The following PDZD8 variants were observed in gnomAD, a reference collection of about 807,000 sequenced individuals.
PDZD8 encodes the protein PDZ domain containing 8, also known as PDZ domain-containing protein 8.
A neutral mutation model predicts 85.8 loss-of-function variants in PDZD8; 14 were observed. The ratio of observed to expected loss-of-function variants is 0.16; its 90% CI spans 0.11 to 0.26. The LOEUF (loss-of-function observed/expected upper bound fraction) is 0.26, where lower values mean the gene tolerates loss of function less well. PDZD8 is among the 10% of genes least tolerant of loss of function. The pLI is 1.00. For synonymous variants in PDZD8, 592 were observed against 568.6 expected, an observed-to-expected ratio of 1.04 and a Z score of -0.59; for missense variants, 1,197 against 1,424.3, an observed-to-expected ratio of 0.84 and a Z score of 2.57.
Position 117,374,579 on chromosome 10 carries a change from A to G in PDZD8, c.649T>C (p.Tyr217His). 2 of 1,595,950 alleles carry G rather than the reference A, an allele frequency of 1.3e-6. No homozygotes were observed. The highest frequency in any genetic ancestry group is 1.7e-6 in the Non-Finnish European group (2 of 1,170,862). The change falls in exon 1 of 5, where the codon TAC becomes CAC. Residue 217 changes from tyrosine (Y) to histidine (H), a missense_variant. Transcript: ENST00000334464. The surrounding 1 kb of genome is among the most constrained non-coding windows in gnomAD (Gnocchi z 7.8). Reference sequence around the variant, plus strand: ...ACGCGGGACAGCTTGACAAACAAGTAGGCGGACTTGCCGAAGACCAGGTCC... The same window carrying G: ...ACGCGGGACAGCTTGACAAACAAGTGGGCGGACTTGCCGAAGACCAGGTCC... Reference protein sequence around the residue: ...DVDLVFGKSAYLFVKLSRVVG... With the variant: ...DVDLVFGKSAHLFVKLSRVVG...
intron 1 of PDZD8, among the ~76,000 whole-genome samples, chr10:117,357,362 T>A (rs937237790): frequency 3.9e-5 from 6 of 152,102 alleles, no homozygotes; most frequent in African/African-American, 1.4e-4. Flanking sequence ...ACCACTGCAC[T>A]CCAGCCTGGG....
Position 117,374,215 on chromosome 10 carries a change from T to A in PDZD8, c.872+141A>T. 1 of 1,324,700 alleles carries A rather than the reference T, an allele frequency of 7.5e-7. No homozygotes were observed. The highest frequency in any genetic ancestry group is 1.0e-6 in the Non-Finnish European group (1 of 983,126). 82.1% of individuals were successfully genotyped at this position (1,324,700 alleles called of 1,614,324 possible). A position where few individuals can be genotyped will look rare whatever the true frequency, so the allele number is the denominator to read the frequency against. ...AGCAAGTGTTCACGACTCGCCTTGA[T>A]CTGGGGCCCTGTCCAGGGTGGGAAG... On this transcript the variant is annotated intron_variant, in intron 1 of 4. Transcript: ENST00000334464. This position sits in a 1 kb window ranked among gnomAD's most constrained non-coding sequence, Gnocchi z 7.8.
At chr10:117,290,037 A>G (rs936052932) in intron 4 of PDZD8, 149 bp downstream of exon 4, 39 of 629,136 alleles carry the variant, frequency 6.2e-5, no homozygotes, top group Middle Eastern at 9.4e-4. Context: ...TTGAATTTTT[A>G]TTTATAATAA....
At chr10:117,352,895 G>A (rs1036207114) in intron 1 of PDZD8, among the ~76,000 whole-genome samples, 1 of 152,056 alleles carries the variant, frequency 6.6e-6, no homozygotes, top group Non-Finnish European at 1.5e-5. Context: ...AAGGAGTGGG[G>A]TGGCCAGCTA....
At chr10:117,290,970 A>G (rs1295172194) in intron 3 of PDZD8, among the ~76,000 whole-genome samples, 1 of 150,630 alleles carries the variant, frequency 6.6e-6, no homozygotes, top group Non-Finnish European at 1.5e-5. Flanking sequence ...CCCAGGCGCA[A>G]GTGATTCTCT....
intron 2 of PDZD8, among the ~76,000 whole-genome samples, chr10:117,330,024 G>GGAT (rs1844392941): frequency 2.3e-5 from 1 of 42,628 alleles, no homozygotes; most frequent in Non-Finnish European, 4.5e-5. Context: ...GAGGGAGGGA[G>GGAT]GGAAGGAGGG....
At position 117,366,224 on chromosome 10, in the gene PDZD8, C is replaced by G. The variant is rs574162062; in HGVS notation, c.872+8132G>C. Among the ~76,000 whole-genome samples, 147 of 152,186 alleles carry G rather than the reference C, an allele frequency of 9.7e-4. 1 individual carries two copies. The highest frequency in any genetic ancestry group is 3.7e-3 in the South Asian group (18 of 4,824). The stretch of plus-strand genomic sequence containing the variant: ...TTAGTTTTAGTTATGTTTACGGTAA[C>G]AAAGTTGTATACTTCTGTTTGTGTT... On this transcript the variant is annotated intron_variant, in intron 1 of 4. Transcript: ENST00000334464.
intron 1 of PDZD8, among the ~76,000 whole-genome samples, chr10:117,349,446 T>C (rs542288483): frequency 6.6e-6 from 1 of 152,274 alleles, no homozygotes; most frequent in South Asian, 2.1e-4. Context: ...TACATAGACA[T>C]AATAATGTAA....
intron 2 of PDZD8, among the ~76,000 whole-genome samples, chr10:117,321,663 T>C (rs763532233): frequency 7.9e-5 from 12 of 152,132 alleles, no homozygotes; most frequent in Non-Finnish European, 1.0e-4. Context: ...AATAAAACAA[T>C]TGAAAGAAAA....
chr10:117,314,456 T>C (rs902316096), intron 3 of PDZD8, among the ~76,000 whole-genome samples: 3 of 152,152 alleles, frequency 2.0e-5, no homozygotes, highest in Non-Finnish European at 2.9e-5. Flanking sequence ...GTTAATACCA[T>C]GTAACACTCA....
At chr10:117,346,149 G>A (rs888515976) in intron 1 of PDZD8, among the ~76,000 whole-genome samples, 3 of 149,848 alleles carry the variant, frequency 2.0e-5, no homozygotes, top group African/African-American at 7.3e-5. Context: ...GCTGAGACAG[G>A]AGAATCGCTT....
chr10:117,374,901 C>T lies in PDZD8; in HGVS notation c.327G>A (p.Leu109=), dbSNP rs368342602. 4.1e-5 allele frequency: 66 copies of T among 1,613,498 alleles called. No homozygotes were observed. The Middle Eastern group carries it at 9.9e-4, about 24-fold the overall frequency. ...NATILFLFRE[L]RDTALTRRWV... ...AGCGGCGGGTCAGCGCGGTGTCCCG[C>T]AACTCCCGGAACAGGAATAGGATGG... Residue 109 remains leucine (L), a synonymous_variant, in exon 1 of 5, where the codon TTG becomes TTA. Coordinates refer to ENST00000334464, the MANE Select transcript of PDZD8 (RefSeq NM_173791.5). The surrounding 1 kb of genome is among the most constrained non-coding windows in gnomAD (Gnocchi z 7.8).
intron 1 of PDZD8, 97 bp from the exon 2 acceptor site, chr10:117,341,199 A>G: frequency 7.8e-7 from 1 of 1,287,318 alleles, no homozygotes; most frequent in East Asian, 2.5e-5. Flanking sequence ...AAGCAAAATG[A>G]ACACCTAATA....
intron 1 of PDZD8, among the ~76,000 whole-genome samples, chr10:117,345,273 G>T (rs534573107): frequency 1.3e-5 from 2 of 152,296 alleles, no homozygotes; most frequent in African/African-American, 4.8e-5. Flanking sequence ...TGGATTTAAG[G>T]AAGACATATC....
intron 1 of PDZD8, among the ~76,000 whole-genome samples, chr10:117,357,109 A>G (rs895574153): frequency 6.6e-6 from 1 of 152,216 alleles, no homozygotes; most frequent in African/African-American, 2.4e-5. Flanking sequence ...TTAGAAAATC[A>G]GGTCTGGGCA....
chr10:117,319,429 ACACAC>A (rs1844189426), intron 2 of PDZD8, among the ~76,000 whole-genome samples: 1 of 78,610 alleles, frequency 1.3e-5, no homozygotes, highest in African/African-American at 4.6e-5. Flanking sequence ...ACACACACAC[ACACAC>A]TCTTCATCTA....
At chr10:117,357,766 C>CAAAAAAAAAAAAAAAAAAAAAAAAA (rs767138640) in intron 1 of PDZD8, among the ~76,000 whole-genome samples, 2 of 47,468 alleles carry the variant, frequency 4.2e-5, no homozygotes, top group Non-Finnish European at 7.5e-5. Flanking sequence ...ACTTCATCTC[C>CAAAAAAAAAAAAAAAAAAAAAAAAA]AAAAAAAAAA....
At chr10:117,348,868 C>T (rs1316058029) in intron 1 of PDZD8, among the ~76,000 whole-genome samples, 6 of 152,140 alleles carry the variant, frequency 3.9e-5, no homozygotes, top group Non-Finnish European at 8.8e-5. Flanking sequence ...ACTTGATTAC[C>T]ACCCTGTTTT....
At chr10:117,355,526 C>T (rs1484134140) in intron 1 of PDZD8, among the ~76,000 whole-genome samples, 1 of 152,186 alleles carries the variant, frequency 6.6e-6, no homozygotes, top group Non-Finnish European at 1.5e-5. Context: ...TGGAGCCACA[C>T]AGCTTGGCTT....
Sources: allele counts gnomAD v4.1 joint callset (sites outside exome capture counted in the v4.1 genomes callset), GRCh38; gene constraint gnomAD v4.1.1; non-coding constraint Gnocchi (gnomAD v3.1); transcripts MANE v1.5; gene names NCBI Gene and HGNC (gene_info 2026-07-23, HGNC 2026-07-21).